The following MAP7 variants were observed in gnomAD, a reference collection of about 807,000 sequenced individuals.
MAP7 encodes microtubule associated protein 7.
MAP7 carries 52 observed loss-of-function variants against 94.8 expected under a neutral mutation model. The ratio of observed to expected loss-of-function variants is 0.55; its 90% CI spans 0.44 to 0.69. The LOEUF is 0.69. Ranked by LOEUF, MAP7 falls within the 30% of genes least tolerant of loss-of-function variation. The pLI, the probability that MAP7 is intolerant of heterozygous loss-of-function variation, is 0.00. For synonymous variants in MAP7, 350 were observed against 357.0 expected (o/e 0.98, Z 0.22); for missense variants, 940 against 964.6 (o/e 0.97, Z 0.34).
chr6:136,360,179 T>TCTTG (rs1562308954), intron 13 of MAP7, 148 bp from the exon 14 acceptor site: 1 of 656,136 alleles, frequency 1.5e-6, no homozygotes, highest in Non-Finnish European at 2.6e-6. Context: ...TGAGATGGAG[T>TCTTG]CTTGCCCTGT....
chr6:136,456,815 A>AGGAG (rs1491291638), intron 1 of MAP7, among the ~76,000 whole-genome samples: 3 of 91,922 alleles, frequency 3.3e-5, no homozygotes, highest in African/African-American at 1.2e-4. Flanking sequence ...AAGAAGAAGA[A>AGGAG]GAAGAAGGAA....
chr6:136,431,940 G>A (rs939672867), intron 1 of MAP7, among the ~76,000 whole-genome samples: 6 of 152,068 alleles, frequency 3.9e-5, no homozygotes, highest in African/African-American at 1.4e-4. Context: ...GCAGACTCTG[G>A]TGTGTGAATT....
chr6:136,362,577 C>G lies in MAP7; in HGVS notation c.1399G>C (p.Val467Leu). The G allele has an allele frequency of 6.2e-7, 1 of 1,614,116 alleles. No individual in the cohort carries two copies. Among genetic ancestry groups the G allele is most frequent in the Non-Finnish European group, 8.5e-7 (1 of 1,180,040 alleles). The change falls in exon 11 of 18, where the codon GTT becomes CTT. Residue 467 changes from valine (V) to leucine (L), a missense_variant. Coordinates refer to ENST00000354570, the MANE Select transcript of MAP7 (RefSeq NM_003980.6). ...TCGGTGGTGCCTGCAGAAGTCTTAACAGAAGCACTGGCATTCACAGTGGAT... is the reference window on the plus strand; with the variant it reads ...TCGGTGGTGCCTGCAGAAGTCTTAAGAGAAGCACTGGCATTCACAGTGGAT... ...PSSTVNASAS[V>L]KTSAGTTDPE...
chr6:136,442,160 T>C (rs1283211461), intron 1 of MAP7, among the ~76,000 whole-genome samples: 1 of 152,126 alleles, frequency 6.6e-6, no homozygotes, highest in African/African-American at 2.4e-5. Flanking sequence ...TGCAGCACTT[T>C]GGGAGGACGA....
At chr6:136,509,568 G>T (rs893622119) in intron 1 of MAP7, among the ~76,000 whole-genome samples, 3 of 151,376 alleles carry the variant, frequency 2.0e-5, no homozygotes, top group Non-Finnish European at 4.4e-5. Flanking sequence ...TTTTGTTTTT[G>T]TTTTTTTTGA....
At chr6:136,504,282 G>A (rs1467250956) in intron 1 of MAP7, among the ~76,000 whole-genome samples, 1 of 152,132 alleles carries the variant, frequency 6.6e-6, no homozygotes, top group African/African-American at 2.4e-5. Context: ...GACTACGGAA[G>A]GATACACAGG....
chr6:136,462,208 C>G (rs919820613), intron 1 of MAP7, among the ~76,000 whole-genome samples: 12 of 149,846 alleles, frequency 8.0e-5, no homozygotes, highest in African/African-American at 2.9e-4. Context: ...AGTGGTTGCA[C>G]TTCAGTACAA....
intron 16 of MAP7, among the ~76,000 whole-genome samples, chr6:136,349,479 T>C (rs1788556724): frequency 6.6e-6 from 1 of 152,142 alleles, no homozygotes; most frequent in Non-Finnish European, 1.5e-5. Flanking sequence ...GCTCAGGCGA[T>C]CCTCCCGCCT....
At chr6:136,533,759 C>T (rs963146624) in intron 1 of MAP7, among the ~76,000 whole-genome samples, 1 of 152,158 alleles carries the variant, frequency 6.6e-6, no homozygotes, top group Non-Finnish European at 1.5e-5. Flanking sequence ...AACCAGCTCT[C>T]ACATGAACGA....
At chr6:136,478,979 C>CAAAAAAAA (rs59319740) in intron 1 of MAP7, among the ~76,000 whole-genome samples, 28 of 45,194 alleles carry the variant, frequency 6.2e-4, no homozygotes, top group East Asian at 3.1e-3. Context: ...ACAGACACAT[C>CAAAAAAAA]AAAAAAAAAA....
intron 1 of MAP7, among the ~76,000 whole-genome samples, chr6:136,526,972 C>G (rs776788855): frequency 6.6e-6 from 1 of 152,112 alleles, no homozygotes; most frequent in Non-Finnish European, 1.5e-5. Context: ...TGGCTCCCAC[C>G]AGAGATCACA....
chr6:136,530,291 G>A (rs138974571), intron 1 of MAP7, among the ~76,000 whole-genome samples: 86 of 152,242 alleles, frequency 5.6e-4, no homozygotes, highest in African/African-American at 2.0e-3. Flanking sequence ...CAAGTTCCAC[G>A]TATGTATAAG....
chr6:136,412,367 G>A (rs1787765026), intron 2 of MAP7, among the ~76,000 whole-genome samples: 1 of 152,030 alleles, frequency 6.6e-6, no homozygotes, highest in African/African-American at 2.4e-5. Context: ...ACAAAAACCT[G>A]AGATTTCATG....
At chr6:136,493,145 C>CTTTTTTGTT (rs1817155355) in intron 1 of MAP7, among the ~76,000 whole-genome samples, 1 of 114,348 alleles carries the variant, frequency 8.7e-6, no homozygotes, top group African/African-American at 3.4e-5. Flanking sequence ...TTTTTTGAGA[C>CTTTTTTGTT]GGAGTTTCAC....
At chr6:136,368,444 G>T (rs1213189430) in intron 8 of MAP7, among the ~76,000 whole-genome samples, 1 of 152,132 alleles carries the variant, frequency 6.6e-6, no homozygotes, top group African/African-American at 2.4e-5. Flanking sequence ...TTATAATTAA[G>T]GTAGGTTTAG....
At chr6:136,409,362 A>G (rs1178647359) in intron 3 of MAP7, among the ~76,000 whole-genome samples, 1 of 152,202 alleles carries the variant, frequency 6.6e-6, no homozygotes, top group Non-Finnish European at 1.5e-5. Context: ...ATTGCAGTCC[A>G]GCCTGGGCAA....
chr6:136,375,179 C>T (rs565696102), intron 7 of MAP7, among the ~76,000 whole-genome samples: 2 of 152,150 alleles, frequency 1.3e-5, no homozygotes, highest in East Asian at 1.9e-4. Flanking sequence ...TATGGTAATA[C>T]GGTACTAGCA....
At chr6:136,496,097 T>C (rs928333090) in intron 1 of MAP7, among the ~76,000 whole-genome samples, 6 of 152,182 alleles carry the variant, frequency 3.9e-5, no homozygotes, top group African/African-American at 1.4e-4. Flanking sequence ...CAGGTATACT[T>C]CTTTTGTCAT....
At chr6:136,375,645 T>A (rs752749097) in intron 7 of MAP7, among the ~76,000 whole-genome samples, 10 of 152,214 alleles carry the variant, frequency 6.6e-5, no homozygotes, top group Non-Finnish European at 1.2e-4. Context: ...ATGAAAATTT[T>A]AAAAAACCCC....
Sources: gnomAD v4.1 joint callset for allele counts (sites outside exome capture counted in the v4.1 genomes callset) on GRCh38, gnomAD v4.1.1 for gene constraint, MANE v1.5 for transcripts, NCBI Gene and HGNC (gene_info 2026-07-23, HGNC 2026-07-21) for gene names.